DSCAM: variants seen among roughly 807,000 people sequenced by gnomAD.
The protein encoded by DSCAM is cell adhesion molecule DSCAM.
Under a neutral mutation model 217.7 loss-of-function variants are expected in DSCAM, and 47 were observed. That is an observed-to-expected ratio of 0.22 (90% confidence interval 0.17 to 0.28). The LOEUF (loss-of-function observed/expected upper bound fraction) is 0.28. Among genes scored for constraint, DSCAM ranks in the 10% least tolerant of loss-of-function variants. The pLI, the probability that DSCAM is intolerant of heterozygous loss-of-function variation, is 1.00. For missense variants in DSCAM, 2,080 were observed against 2,618.3 expected (o/e 0.79, Z 4.49); for synonymous variants, 1,056 against 1,015.3 (o/e 1.04, Z -0.76).
At chr21:40,541,207 T>G (rs1395852955) in intron 3 of DSCAM, among the ~76,000 whole-genome samples, 1 of 152,132 alleles carries the variant, frequency 6.6e-6, no homozygotes, top group Non-Finnish European at 1.5e-5. Flanking sequence ...AAATTTTCAA[T>G]AAAAAAGCAT....
chr21:40,378,554 A>ATTT (rs71186931), intron 3 of DSCAM, among the ~76,000 whole-genome samples: 1 of 75,712 alleles, frequency 1.3e-5, no homozygotes, highest in African/African-American at 5.1e-5. Flanking sequence ...ATGAAAACTT[A>ATTT]TTTTTTTTTT....
intron 3 of DSCAM, among the ~76,000 whole-genome samples, chr21:40,487,660 A>G (rs2076041378): frequency 6.6e-6 from 1 of 152,296 alleles, no homozygotes; most frequent in Non-Finnish European, 1.5e-5. Context: ...GGTGAAGGCA[A>G]GGAAGCCCGT....
intron 17 of DSCAM, among the ~76,000 whole-genome samples, chr21:40,143,443 C>A (rs2090316213): frequency 6.6e-6 from 1 of 152,208 alleles, no homozygotes; most frequent in African/African-American, 2.4e-5. Context: ...GAAGACTCCT[C>A]TCCTCGCAAA....
intron 14 of DSCAM, 89 bp from the exon 15 acceptor site, chr21:40,179,183 CCAA>C (rs1231899014): frequency 7.7e-4 from 66 of 86,250 alleles, no homozygotes; most frequent in South Asian, 2.8e-3. Flanking sequence ...GAATTAAAAA[CCAA>C]AAAAAAAAAA....
At chr21:40,344,147 T>C (rs1448890203) in intron 6 of DSCAM, among the ~76,000 whole-genome samples, 1 of 152,178 alleles carries the variant, frequency 6.6e-6, no homozygotes, top group Non-Finnish European at 1.5e-5. Flanking sequence ...GAGCCGCCTG[T>C]CTCGGCTTCC....
intron 23 of DSCAM, 98 bp from the exon 24 acceptor site, chr21:40,084,104 T>A: frequency 1.1e-6 from 1 of 918,258 alleles, no homozygotes; most frequent in East Asian, 2.8e-5. Context: ...CAGCCATTTA[T>A]TAAATAAGTG....
At chr21:40,404,819 C>T (rs1179109250) in intron 3 of DSCAM, among the ~76,000 whole-genome samples, 1 of 152,194 alleles carries the variant, frequency 6.6e-6, no homozygotes, top group Non-Finnish European at 1.5e-5. Context: ...GCACTGTTTG[C>T]TTCAAATTCA....
chr21:40,141,841 C>T (rs549560337), intron 18 of DSCAM, among the ~76,000 whole-genome samples: 13 of 152,156 alleles, frequency 8.5e-5, no homozygotes, highest in African/African-American at 1.2e-4. Context: ...GGGCACCACT[C>T]GCAGCCTGAG....
intron 20 of DSCAM, among the ~76,000 whole-genome samples, chr21:40,122,479 G>T (rs1418653430): frequency 6.6e-6 from 1 of 152,154 alleles, no homozygotes; most frequent in African/African-American, 2.4e-5. Flanking sequence ...TGGAAAATGA[G>T]TATACTTTAT....
intron 3 of DSCAM, among the ~76,000 whole-genome samples, chr21:40,540,220 A>G (rs1601727754): frequency 6.6e-6 from 1 of 152,190 alleles, no homozygotes; most frequent in East Asian, 1.9e-4. Context: ...GCAAAAAAAC[A>G]CTCTATTCAT....
intron 3 of DSCAM, among the ~76,000 whole-genome samples, chr21:40,393,888 C>G (rs1361305030): frequency 6.6e-6 from 1 of 152,072 alleles, no homozygotes; most frequent in Non-Finnish European, 1.5e-5. Flanking sequence ...TGTAATAATC[C>G]ATTGGATGGG....
intron 10 of DSCAM, among the ~76,000 whole-genome samples, chr21:40,295,392 C>T (rs749507911): frequency 5.9e-5 from 9 of 152,148 alleles, no homozygotes; most frequent in Non-Finnish European, 7.3e-5. Flanking sequence ...TTCCACTCTT[C>T]GTTTCCATGT....
intron 32 of DSCAM, among the ~76,000 whole-genome samples, chr21:40,020,618 A>G (rs1026732735): frequency 6.6e-6 from 1 of 152,084 alleles, no homozygotes; most frequent in Non-Finnish European, 1.5e-5. Flanking sequence ...GGCATGGAGA[A>G]GGAAAGGACT....
At chr21:40,616,981 C>T (rs1473467693) in intron 3 of DSCAM, among the ~76,000 whole-genome samples, 1 of 132,368 alleles carries the variant, frequency 7.6e-6, no homozygotes, top group Non-Finnish European at 1.6e-5. Flanking sequence ...CCCGCCACTG[C>T]ACTCCAGCCT....
intron 16 of DSCAM, among the ~76,000 whole-genome samples, chr21:40,165,233 T>G (rs946200797): frequency 6.6e-6 from 1 of 152,270 alleles, no homozygotes; most frequent in African/African-American, 2.4e-5. Context: ...AATAAAGGCA[T>G]GTTATATGTA....
chr21:40,379,314 G>T (rs1003083524), intron 3 of DSCAM, among the ~76,000 whole-genome samples: 2 of 152,202 alleles, frequency 1.3e-5, no homozygotes, highest in African/African-American at 4.8e-5. Flanking sequence ...GTCAGTGGGT[G>T]GTGAGCATAT....
chr21:40,660,905 A>C (rs534571745), intron 3 of DSCAM, among the ~76,000 whole-genome samples: 1 of 152,306 alleles, frequency 6.6e-6, no homozygotes, highest in East Asian at 1.9e-4. Flanking sequence ...CTCTATTGCA[A>C]GGAGAACTCA....
chr21:40,637,214 T>A (rs867262867), intron 3 of DSCAM, among the ~76,000 whole-genome samples: 60 of 5,684 alleles, frequency 0.011, 1 homozygote, highest in African/African-American at 0.097. Context: ...TAAATATATA[T>A]AAATATAAAT....
intron 16 of DSCAM, among the ~76,000 whole-genome samples, chr21:40,153,406 C>A (rs2090444881): frequency 6.6e-6 from 1 of 152,172 alleles, no homozygotes; most frequent in Admixed American, 6.5e-5. Context: ...GGTGACTGGA[C>A]ATTGCCTTGG....
Sources: allele counts gnomAD v4.1 joint callset (sites outside exome capture counted in the v4.1 genomes callset), GRCh38; gene constraint gnomAD v4.1.1; transcripts MANE v1.5; gene names NCBI Gene and HGNC (gene_info 2026-07-23, HGNC 2026-07-21).